SLC17A1: variants seen among roughly 807,000 people sequenced by gnomAD.
SLC17A1 encodes sodium-dependent phosphate transport protein 1.
Under a neutral mutation model 53.5 loss-of-function variants are expected in SLC17A1, and 51 were observed. The observed-to-expected ratio is 0.95, with a 90% CI of 0.76 to 1.20. The LOEUF is 1.20. SLC17A1 is among the 50% of genes most tolerant of loss of function. SLC17A1 has a pLI of 0.00. For missense variants in SLC17A1, 538 were observed against 568.2 expected, an observed-to-expected ratio of 0.95 and a Z score of 0.54; for synonymous variants, 179 against 198.8, an observed-to-expected ratio of 0.90 and a Z score of 0.84.
the SLC17A1 span, among the ~76,000 whole-genome samples, chr6:25,730,797 G>A: frequency 6.6e-6 from 1 of 152,146 alleles, no homozygotes; most frequent in African/African-American, 2.4e-5. Flanking sequence ...TTTTAGGGAG[G>A]CAAGATTAAG....
the SLC17A1 span, among the ~76,000 whole-genome samples, chr6:25,755,867 A>G: frequency 6.6e-6 from 1 of 152,084 alleles, no homozygotes; most frequent in South Asian, 2.1e-4. Context: ...GTGCAACACT[A>G]TTCACTCATT....
At chr6:25,795,572 C>A (rs113935409) in intron 12 of SLC17A1, among the ~76,000 whole-genome samples, 3,422 of 152,022 alleles carry the variant, frequency 0.023, 114 homozygotes, top group African/African-American at 0.074. Flanking sequence ...TTTTTAATGA[C>A]AATAACTGCA....
chr6:25,812,882 T>A lies in SLC17A1; in HGVS notation c.846A>T (p.Thr282=). 1 of 1,613,098 alleles carries A rather than the reference T, an allele frequency of 6.2e-7. No individual in the cohort carries two copies. The part of the protein sequence containing the change: ...FTFFWSHNIM[T]LYTPMFINSM... ...AGTTGATAAACATTGGAGTGTATAG[T>A]GTCATGATGTTATGTGACCAGAAAA... The change falls in exon 8 of 13, where the codon ACA becomes ACT. Residue 282 remains threonine, a synonymous_variant. Transcript: ENST00000244527.
chr6:25,814,433 G>C (rs181030256), intron 6 of SLC17A1, among the ~76,000 whole-genome samples: 52 of 152,260 alleles, frequency 3.4e-4, no homozygotes, highest in African/African-American at 1.2e-3. Context: ...CTGAGACTCA[G>C]AAAGATCAAA....
At chr6:25,812,606 A>G (rs1764195875) in intron 8 of SLC17A1, among the ~76,000 whole-genome samples, 1 of 152,162 alleles carries the variant, frequency 6.6e-6, no homozygotes, top group Non-Finnish European at 1.5e-5. Context: ...GGAAATATAG[A>G]TGCATGTGTG....
At chr6:25,800,110 T>C (rs1444850707) in intron 11 of SLC17A1, among the ~76,000 whole-genome samples, 1 of 152,110 alleles carries the variant, frequency 6.6e-6, no homozygotes, top group African/African-American at 2.4e-5. Context: ...AAAGTTTATA[T>C]GTGATCCACA....
chr6:25,744,249 G>T, the SLC17A1 span, among the ~76,000 whole-genome samples: 1 of 152,200 alleles, frequency 6.6e-6, no homozygotes, highest in African/African-American at 2.4e-5. Flanking sequence ...GTACAGGAGT[G>T]AAATGGTCAG....
chr6:25,801,072 G>T, intron 10 of SLC17A1, 92 bp from the exon 11 acceptor site: 2 of 739,278 alleles, frequency 2.7e-6, no homozygotes. Flanking sequence ...AGAGATAATT[G>T]CTCATTTTGC....
intron 5 of SLC17A1, 108 bp downstream of exon 5, chr6:25,819,403 T>C: frequency 1.1e-6 from 1 of 927,142 alleles, no homozygotes; most frequent in South Asian, 1.6e-5. Flanking sequence ...ACAGATGATT[T>C]CCAAAGCCCT....
At chr6:25,787,380 T>G (rs1260285121) in intron 12 of SLC17A1, among the ~76,000 whole-genome samples, 1 of 151,832 alleles carries the variant, frequency 6.6e-6, no homozygotes, top group Admixed American at 6.6e-5. Flanking sequence ...CAAGGTAGGC[T>G]GCCTCACTGC....
chr6:25,775,509 C>T, the SLC17A1 span, among the ~76,000 whole-genome samples: 1 of 152,084 alleles, frequency 6.6e-6, no homozygotes, highest in South Asian at 2.1e-4. Context: ...ACTCATGGCT[C>T]ACTAAAGCTT....
At chr6:25,813,760 A>G (rs2151493693) in intron 6 of SLC17A1, among the ~76,000 whole-genome samples, 1 of 152,018 alleles carries the variant, frequency 6.6e-6, no homozygotes, top group Non-Finnish European at 1.5e-5. Context: ...TGTTCCCCTC[A>G]GTGTGTGTTG....
the SLC17A1 span, among the ~76,000 whole-genome samples, chr6:25,771,589 AG>A: frequency 6.8e-6 from 1 of 147,944 alleles, no homozygotes; most frequent in Non-Finnish European, 1.5e-5. Context: ...AAAAAAAAAA[AG>A]AAAATGTTAT....
intron 12 of SLC17A1, among the ~76,000 whole-genome samples, chr6:25,784,441 G>T (rs376791453): frequency 5.9e-5 from 9 of 152,142 alleles, no homozygotes; most frequent in East Asian, 3.9e-4. Context: ...GGTGAAAGGG[G>T]AGCCAGTGCA....
chr6:25,760,612 T>C, the SLC17A1 span, among the ~76,000 whole-genome samples: 18 of 152,298 alleles, frequency 1.2e-4, no homozygotes, highest in African/African-American at 4.3e-4. Context: ...TCAACATACA[T>C]TGGACCTTTT....
At chr6:25,726,437 T>TC in the SLC17A1 span, 7 of 1,613,926 alleles carry the variant, frequency 4.3e-6, no homozygotes, top group African/African-American at 5.3e-5. Context: ...AGACGATGGA[T>TC]CCGGCCTACG....
the SLC17A1 span, chr6:25,726,174 G>T: frequency 4.4e-6 from 7 of 1,580,136 alleles, no homozygotes; most frequent in African/African-American, 8.1e-5. Flanking sequence ...CAGTCTTCTT[G>T]GGCAGCAGCA....
chr6:25,773,659 A>G, the SLC17A1 span: 4 of 1,613,396 alleles, frequency 2.5e-6, no homozygotes, highest in Non-Finnish European at 2.5e-6. Flanking sequence ...CGGTACTTCA[A>G]GCCAACCTCA....
intron 3 of SLC17A1, among the ~76,000 whole-genome samples, chr6:25,822,197 C>G (rs932770878): frequency 6.6e-6 from 1 of 152,158 alleles, no homozygotes; most frequent in African/African-American, 2.4e-5. Context: ...GGTAAAATAT[C>G]TGTGTGTGTC....
Sources: gnomAD v4.1 joint callset for allele counts (sites outside exome capture counted in the v4.1 genomes callset) on GRCh38, gnomAD v4.1.1 for gene constraint, MANE v1.5 for transcripts, NCBI Gene and HGNC (gene_info 2026-07-23, HGNC 2026-07-21) for gene names.